PPEF1: variants seen among roughly 807,000 people sequenced by gnomAD.
The protein encoded by PPEF1 is serine/threonine-protein phosphatase with EF-hands 1.
Under a neutral mutation model 53.3 loss-of-function variants are expected in PPEF1, and 12 were observed. The observed-to-expected ratio is 0.23, with a 90% CI of 0.14 to 0.36. PPEF1 has a LOEUF of 0.36. PPEF1 is among the 10% of genes least tolerant of loss of function. PPEF1 has a pLI of 1.00. For missense variants in PPEF1, 334 were observed against 490.4 expected, an observed-to-expected ratio of 0.68 and a Z score of 3.01; for synonymous variants, 165 against 176.7, an observed-to-expected ratio of 0.93 and a Z score of 0.52.
At chrX:18,709,502 G>GTTTTTTTTT (rs752416903) in intron 1 of PPEF1, among the ~76,000 whole-genome samples, 1 of 101,104 alleles carries the variant, frequency 9.9e-6, no homozygotes, top group African/African-American at 3.7e-5. Flanking sequence ...TTTGTTTTTT[G>GTTTTTTTTT]TTTTTTGTTT....
At chrX:18,791,275 A>C (rs2046320749) in intron 10 of PPEF1, among the ~76,000 whole-genome samples, 1 of 111,702 alleles carries the variant, frequency 9.0e-6, no homozygotes, top group Non-Finnish European at 1.9e-5. Flanking sequence ...ATCTACCAAA[A>C]AGCAGCTGGG....
intron 13 of PPEF1, among the ~76,000 whole-genome samples, chrX:18,820,041 G>T (rs1441847345): frequency 1.8e-5 from 2 of 111,317 alleles, no homozygotes; most frequent in Non-Finnish European, 3.8e-5. Flanking sequence ...TTAGACCATA[G>T]AATCATATAC....
chrX:18,787,800 A>G (rs1426654471), intron 9 of PPEF1, among the ~76,000 whole-genome samples: 2 of 109,257 alleles, frequency 1.8e-5, no homozygotes, highest in Non-Finnish European at 3.8e-5. Flanking sequence ...AAAAGAAGTG[A>G]GTTGTGTGGA....
At chrX:18,786,970 C>G (rs2046218081) in intron 9 of PPEF1, among the ~76,000 whole-genome samples, 1 of 110,820 alleles carries the variant, frequency 9.0e-6, no homozygotes, top group African/African-American at 3.3e-5. Flanking sequence ...GTTTCACCCC[C>G]TTCAGGGATA....
At chrX:18,716,553 AAT>A (rs1173300302) in intron 1 of PPEF1, among the ~76,000 whole-genome samples, 3 of 106,755 alleles carry the variant, frequency 2.8e-5, no homozygotes, top group African/African-American at 1.0e-4. Flanking sequence ...AAAAAAAAAA[AAT>A]CGAACAATCA....
chrX:18,779,477 G>A (rs2046040326), intron 7 of PPEF1, among the ~76,000 whole-genome samples: 1 of 111,714 alleles, frequency 9.0e-6, no homozygotes, highest in Admixed American at 9.6e-5. Flanking sequence ...GTAGGTGTGT[G>A]AGGCCAGGTT....
At chrX:18,753,758 A>G (rs903557880) in intron 4 of PPEF1, among the ~76,000 whole-genome samples, 1 of 111,235 alleles carries the variant, frequency 9.0e-6, no homozygotes, top group African/African-American at 3.3e-5. Flanking sequence ...TGAATTTTCT[A>G]GTTTTGCTTT....
chrX:18,818,677 C>A (rs1248223103), intron 13 of PPEF1, among the ~76,000 whole-genome samples: 1 of 111,861 alleles, frequency 8.9e-6, no homozygotes, highest in Admixed American at 9.6e-5. Context: ...AACCTCTATT[C>A]TGATAGTATG....
chrX:18,766,159 T>C (rs1048026810), intron 6 of PPEF1, among the ~76,000 whole-genome samples: 4 of 109,316 alleles, frequency 3.7e-5, no homozygotes, highest in Non-Finnish European at 7.6e-5. Flanking sequence ...GAATGACACG[T>C]AGAGCTTGGG....
In PPEF1 at chrX:18,730,319, C is replaced by T; in HGVS notation, c.174+11C>T. 1 of 1,199,073 alleles carries T rather than the reference C, an allele frequency of 8.3e-7. No homozygotes were observed. The highest frequency in any genetic ancestry group is 1.1e-6 in the Non-Finnish European group (1 of 888,217). Reference sequence around the variant, plus strand: ...CAAGGCCAAATGCAGGTCTGTTTTGCAAGCTTTTCTCTTCTTTTGATAAAA... The same window carrying T: ...CAAGGCCAAATGCAGGTCTGTTTTGTAAGCTTTTCTCTTCTTTTGATAAAA... On this transcript the variant is annotated intron_variant, in intron 2 of 15. Transcript: ENST00000470157.
upstream of PPEF1, among the ~76,000 whole-genome samples, chrX:18,682,632 C>A (rs1343015155): frequency 9.0e-6 from 1 of 111,461 alleles, no homozygotes; most frequent in African/African-American, 3.3e-5. Context: ...GAAACCATTC[C>A]TAGCTTTGCT....
Position 18,737,491 on chromosome X carries a change from G to C in PPEF1, c.235+3683G>C, listed in dbSNP as rs184022488. ...TGATTGCACTGTGGTCTGAGAGACAGTTTGTTATAATTTCTGTTCTTTTAC... is the reference window on the plus strand; with the variant it reads ...TGATTGCACTGTGGTCTGAGAGACACTTTGTTATAATTTCTGTTCTTTTAC... On this transcript the variant is annotated intron_variant, in intron 3 of 15. Coordinates refer to ENST00000470157, the MANE Select transcript of PPEF1 (RefSeq NM_001377996.1). Among the ~76,000 whole-genome samples the C allele has an allele frequency of 3.1e-3, 345 of 112,052 alleles. 3 individuals carry two copies. The highest frequency in any genetic ancestry group is 8.1e-3 in the African/African-American group (251 of 30,876).
intron 10 of PPEF1, 97 bp downstream of exon 10, chrX:18,789,370 AG>A: frequency 6.1e-6 from 5 of 821,457 alleles, no homozygotes; most frequent in Non-Finnish European, 8.7e-6. Context: ...TACCTTTACG[AG>A]GAGACCACAT....
intron 1 of PPEF1, among the ~76,000 whole-genome samples, chrX:18,717,269 A>G (rs939770429): frequency 9.2e-6 from 1 of 108,439 alleles, no homozygotes; most frequent in Non-Finnish European, 1.9e-5. Context: ...TTCAGCATGC[A>G]TCTACTAAAA....
rs149093043 is a variant in PPEF1 at position 18,771,704 on chromosome X, A to G, written c.559-7306A>G. 1.9e-3 allele frequency among the ~76,000 whole-genome samples: 213 copies of G among 111,997 alleles called. 1 individual carries two copies. Among genetic ancestry groups the G allele is most frequent in the African/African-American group, 6.7e-3 (208 of 30,903 alleles). ...TCCACATATAATTTTGACTCCCCCA[A>G]AACTTAACAACTAATAGCCTACTGT... On this transcript the variant is annotated intron_variant, in intron 6 of 15. Coordinates refer to ENST00000470157, the MANE Select transcript of PPEF1 (RefSeq NM_001377996.1).
chrX:18,779,366 C>G (rs148116270), intron 7 of PPEF1, among the ~76,000 whole-genome samples, 190 bp downstream of exon 7: 2 of 111,431 alleles, frequency 1.8e-5, no homozygotes, highest in East Asian at 5.6e-4. Flanking sequence ...CCTGAAACTC[C>G]CTTCCTATCT....
intron 13 of PPEF1, 50 bp downstream of exon 13, chrX:18,818,195 A>G (rs1489945332): frequency 1.2e-6 from 1 of 824,073 alleles, no homozygotes; most frequent in Non-Finnish European, 1.7e-6. Context: ...CAAGTTACAT[A>G]CAGATCACTT....
At chrX:18,786,171 A>G (rs1156280061) in intron 9 of PPEF1, among the ~76,000 whole-genome samples, 1 of 111,666 alleles carries the variant, frequency 9.0e-6, no homozygotes, top group Non-Finnish European at 1.9e-5. Context: ...GACCAGATTG[A>G]ACACTTTTGC....
Position 18,749,952 on chromosome X carries a change from G to C in PPEF1, c.396G>C (p.Gln132His). The C allele has an allele frequency of 1.7e-6, 2 of 1,197,005 alleles. No homozygotes were observed. Among genetic ancestry groups the C allele is most frequent in the Non-Finnish European group, 2.3e-6 (2 of 883,109 alleles). The change falls in exon 4 of 16, where the codon CAG (glutamine) becomes CAC (histidine). Residue 132 changes from glutamine (Q) to histidine (H), a missense_variant and splice_region_variant. Physicochemically the swap from Gln to His is conservative, Grantham distance 24. Coordinates refer to ENST00000470157, the MANE Select transcript of PPEF1 (RefSeq NM_001377996.1). The stretch of plus-strand genomic sequence containing the variant: ...TTCTTGAGGCCTTCAAGGAACAACA[G>C]GTAAGTGGAAGCAGATGCTGCCTTG... ...DLLLEAFKEQQILHAHYVLEV... is the reference protein window; with the variant it reads ...DLLLEAFKEQHILHAHYVLEV...
Sources: allele counts gnomAD v4.1 joint callset (sites outside exome capture counted in the v4.1 genomes callset), GRCh38; gene constraint gnomAD v4.1.1; transcripts MANE v1.5; gene names NCBI Gene and HGNC (gene_info 2026-07-23, HGNC 2026-07-21).